SUGCT: variants seen among roughly 807,000 people sequenced by gnomAD.
The protein encoded by SUGCT is succinyl-CoA:glutarate-CoA transferase, also known as succinyl-CoA:glutarate CoA-transferase.
In SUGCT, 41 loss-of-function variants were observed where a neutral mutation model predicts 55.0. The observed-to-expected ratio is 0.74, with a 90% CI of 0.58 to 0.97. SUGCT has a LOEUF of 0.97. Ranked by LOEUF, SUGCT falls within the 50% of genes least tolerant of loss-of-function variation. The probability of loss-of-function intolerance (pLI) is 0.00; values close to 1 mark genes in which losing one functional copy is unlikely to be tolerated. For synonymous variants in SUGCT, 187 were observed against 200.4 expected, an observed-to-expected ratio of 0.93 and a Z score of 0.56; for missense variants, 568 against 547.8, an observed-to-expected ratio of 1.04 and a Z score of -0.37.
At chr7:40,474,921 G>A (rs1018023552) in intron 11 of SUGCT, among the ~76,000 whole-genome samples, 1 of 152,180 alleles carries the variant, frequency 6.6e-6, no homozygotes, top group African/African-American at 2.4e-5. Flanking sequence ...CACATGGCAA[G>A]CACTTGATAA....
At chr7:40,656,984 T>C (rs1171035198) in intron 12 of SUGCT, among the ~76,000 whole-genome samples, 1 of 152,210 alleles carries the variant, frequency 6.6e-6, no homozygotes, top group Non-Finnish European at 1.5e-5. Context: ...ACCTGCAGTT[T>C]GAAGTTTTTG....
rs973360642 is a variant in SUGCT, at chr7:40,735,859, A to G, written c.1090-13575A>G. The stretch of plus-strand genomic sequence containing the variant: ...GAGCTATCTACAAATCTACTGTCCT[A>G]TATATAGGACAGTAATTAATTCTAC... On this transcript the variant is annotated intron_variant, in intron 12 of 13. Coordinates refer to ENST00000335693, the MANE Select transcript of SUGCT (RefSeq NM_001193313.2). Among the ~76,000 whole-genome samples the G allele has an allele frequency of 3.5e-4, 54 of 152,144 alleles. 2 individuals carry two copies. The highest frequency in any genetic ancestry group is 3.5e-3 in the Admixed American group (53 of 15,254).
intron 12 of SUGCT, among the ~76,000 whole-genome samples, chr7:40,553,512 C>T (rs1795409123): frequency 6.6e-6 from 1 of 151,910 alleles, no homozygotes; most frequent in African/African-American, 2.4e-5. Context: ...AGAATTTCTC[C>T]ATGGATTTAC....
At chr7:40,146,668 C>T (rs1788265054) in intron 1 of SUGCT, among the ~76,000 whole-genome samples, 1 of 152,222 alleles carries the variant, frequency 6.6e-6, no homozygotes, top group Non-Finnish European at 1.5e-5. Flanking sequence ...CGGTTTTCCA[C>T]CCTGGGTGGG....
At chr7:40,386,060 G>T (rs901749595) in intron 9 of SUGCT, among the ~76,000 whole-genome samples, 3 of 152,184 alleles carry the variant, frequency 2.0e-5, no homozygotes, top group Admixed American at 6.5e-5. Flanking sequence ...AATATGTGGT[G>T]TTGTCTTGGG....
chr7:40,189,501 G>T, intron 4 of SUGCT, 43 bp from the exon 5 acceptor site: 2 of 651,300 alleles, frequency 3.1e-6, no homozygotes, highest in South Asian at 5.3e-5. Context: ...CTTGTGTTTT[G>T]GTCATCGAAA....
chr7:40,881,146 T>C, the SUGCT span, among the ~76,000 whole-genome samples: 12 of 152,210 alleles, frequency 7.9e-5, no homozygotes, highest in Admixed American at 7.9e-4. Flanking sequence ...TTTTCGTGGG[T>C]AACATGTTCT....
At chr7:40,573,702 A>G (rs1796574291) in intron 12 of SUGCT, among the ~76,000 whole-genome samples, 2 of 152,200 alleles carry the variant, frequency 1.3e-5, no homozygotes, top group African/African-American at 4.8e-5. Flanking sequence ...GAGAAATGGC[A>G]GATGCCTTAA....
At chr7:40,658,605 C>T (rs535643139) in intron 12 of SUGCT, among the ~76,000 whole-genome samples, 54 of 152,176 alleles carry the variant, frequency 3.5e-4, no homozygotes, top group Admixed American at 5.2e-4. Context: ...GGCTGTACTC[C>T]GATTTGATCT....
At chr7:40,579,452 A>G (rs1324593761) in intron 12 of SUGCT, among the ~76,000 whole-genome samples, 2 of 152,148 alleles carry the variant, frequency 1.3e-5, no homozygotes, top group African/African-American at 4.8e-5. Flanking sequence ...CCCACGATGG[A>G]ATCCCCCTGG....
chr7:40,435,997 ACAGTGGC>A (rs1246175843), intron 9 of SUGCT, among the ~76,000 whole-genome samples: 1 of 143,468 alleles, frequency 7.0e-6, no homozygotes, highest in African/African-American at 2.6e-5. Flanking sequence ...AGGCTGGAGT[ACAGTGGC>A]ACAATCTCAG....
intron 7 of SUGCT, among the ~76,000 whole-genome samples, chr7:40,274,236 A>G (rs1792312532): frequency 6.6e-6 from 1 of 151,888 alleles, no homozygotes; most frequent in Admixed American, 6.6e-5. Context: ...AAAACATTGA[A>G]ACATCAGATC....
chr7:40,909,648 T>C, the SUGCT span, among the ~76,000 whole-genome samples: 4 of 152,190 alleles, frequency 2.6e-5, no homozygotes, highest in South Asian at 8.3e-4. Context: ...TGTAACTTCA[T>C]CTGGAATTCT....
intron 6 of SUGCT, among the ~76,000 whole-genome samples, chr7:40,202,728 G>A (rs1400108421): frequency 6.6e-6 from 1 of 152,144 alleles, no homozygotes; most frequent in Admixed American, 6.5e-5. Flanking sequence ...ACCTCAGATT[G>A]TAGTTCTCCC....
At chr7:40,345,496 T>C (rs1213848621) in intron 9 of SUGCT, among the ~76,000 whole-genome samples, 1 of 152,236 alleles carries the variant, frequency 6.6e-6, no homozygotes, top group South Asian at 2.1e-4. Context: ...ATGAATTTCA[T>C]TTTTATGACT....
chr7:40,896,154 G>A, the SUGCT span, among the ~76,000 whole-genome samples: 5 of 151,774 alleles, frequency 3.3e-5, no homozygotes, highest in East Asian at 9.7e-4. Flanking sequence ...AAGTTTCAGG[G>A]TACATTTGAT....
At chr7:40,907,130 TGTGTGTGTGTGAGAGAGA>T in the SUGCT span, among the ~76,000 whole-genome samples, 14 of 112,338 alleles carry the variant, frequency 1.2e-4, no homozygotes, top group African/African-American at 2.6e-4. Context: ...TGTGTGTGTG[TGTGTGTGTGTGAGAGAGA>T]GAGAGAGAGA....
chr7:41,003,704 T>C, the SUGCT span, among the ~76,000 whole-genome samples: 1 of 152,108 alleles, frequency 6.6e-6, no homozygotes. Flanking sequence ...GCCAACCCCA[T>C]CCAAGATCAA....
At chr7:40,450,535 G>A (rs1789132639) in intron 10 of SUGCT, among the ~76,000 whole-genome samples, 3 of 151,860 alleles carry the variant, frequency 2.0e-5, no homozygotes, top group South Asian at 4.2e-4. Flanking sequence ...AGCACTTTGA[G>A]AGGCCGAGGT....
Sources: gnomAD v4.1 joint callset for allele counts (sites outside exome capture counted in the v4.1 genomes callset) on GRCh38, gnomAD v4.1.1 for gene constraint, MANE v1.5 for transcripts, NCBI Gene and HGNC (gene_info 2026-07-23, HGNC 2026-07-21) for gene names.